Variants in SORCS1 observed in about 807,000 individuals in gnomAD.
SORCS1 encodes sortilin related VPS10 domain containing receptor 1, also known as VPS10 domain-containing receptor SorCS1.
A neutral mutation model predicts 146.1 loss-of-function variants in SORCS1; 60 were observed. The observed-to-expected ratio is 0.41, with a 90% confidence interval of 0.33 to 0.51. The LOEUF is 0.51. Ranked by LOEUF, SORCS1 falls within the 20% of genes least tolerant of loss-of-function variation. The pLI, the probability that SORCS1 is intolerant of heterozygous loss-of-function variation, is 0.21. For missense variants in SORCS1, 1,352 were observed against 1,487.6 expected, an observed-to-expected ratio of 0.91 and a Z score of 1.50; for synonymous variants, 637 against 584.0, an observed-to-expected ratio of 1.09 and a Z score of -1.31.
At chr10:106,652,022 C>T (rs1849901739) in intron 18 of SORCS1, among the ~76,000 whole-genome samples, 1 of 152,116 alleles carries the variant, frequency 6.6e-6, no homozygotes. Flanking sequence ...ATTAGCATCT[C>T]TTAGGTTAGT....
At chr10:106,735,936 C>T (rs2136059638) in intron 5 of SORCS1, among the ~76,000 whole-genome samples, 1 of 152,256 alleles carries the variant, frequency 6.6e-6, no homozygotes, top group East Asian at 1.9e-4. Flanking sequence ...CAAGACAAAG[C>T]CCATTGCAGC....
At chr10:107,027,235 G>A (rs1237894332) in intron 1 of SORCS1, among the ~76,000 whole-genome samples, 1 of 151,882 alleles carries the variant, frequency 6.6e-6, no homozygotes, top group East Asian at 1.9e-4. Context: ...AGGAAGATTT[G>A]GAAGCCCTCC....
intron 1 of SORCS1, among the ~76,000 whole-genome samples, chr10:107,016,781 A>G (rs868065398): frequency 3.4e-4 from 52 of 152,364 alleles, no homozygotes; most frequent in Middle Eastern, 3.4e-3. Context: ...CCATATAAGT[A>G]ATAGATGACT....
chr10:106,802,649 C>CCA (rs1289526061), intron 3 of SORCS1, among the ~76,000 whole-genome samples: 2 of 152,176 alleles, frequency 1.3e-5, no homozygotes, highest in Admixed American at 1.3e-4. Context: ...CAGGCATGCC[C>CCA]CACCATGCCC....
chr10:106,637,606 A>G (rs1258987345), intron 18 of SORCS1, among the ~76,000 whole-genome samples: 1 of 152,204 alleles, frequency 6.6e-6, no homozygotes, highest in African/African-American at 2.4e-5. Flanking sequence ...GATAGTGCAG[A>G]AGGTTTTACA....
intron 1 of SORCS1, among the ~76,000 whole-genome samples, chr10:107,011,977 A>G (rs982968836): frequency 6.6e-6 from 1 of 152,246 alleles, no homozygotes; most frequent in African/African-American, 2.4e-5. Flanking sequence ...AGAAAAGCCC[A>G]CAAGTATGTT....
At chr10:106,880,180 G>A (rs971403704) in intron 2 of SORCS1, among the ~76,000 whole-genome samples, 2 of 152,158 alleles carry the variant, frequency 1.3e-5, no homozygotes, top group African/African-American at 4.8e-5. Context: ...AGTTCCAAAT[G>A]AAGTCTTTAG....
chr10:107,038,464 A>T (rs146631457), intron 1 of SORCS1, among the ~76,000 whole-genome samples: 2,219 of 151,990 alleles, frequency 0.015, 30 homozygotes, highest in Non-Finnish European at 0.017. Flanking sequence ...TGGGTGCAGC[A>T]CACCAACATG....
chr10:106,599,858 G>A (rs964285900), intron 23 of SORCS1, among the ~76,000 whole-genome samples: 4 of 151,272 alleles, frequency 2.6e-5, no homozygotes, highest in East Asian at 1.9e-4. Flanking sequence ...TGCAACCTCC[G>A]CCTCCCTGAT....
chr10:107,087,265 G>C (rs1963832514), intron 1 of SORCS1, among the ~76,000 whole-genome samples: 1 of 152,110 alleles, frequency 6.6e-6, no homozygotes, highest in South Asian at 2.1e-4. Context: ...CCTTATCAGA[G>C]GGGTCAAACA....
At chr10:107,076,918 T>C (rs920555838) in intron 1 of SORCS1, among the ~76,000 whole-genome samples, 12 of 152,186 alleles carry the variant, frequency 7.9e-5, no homozygotes, top group African/African-American at 2.9e-4. Context: ...ATTCAATATA[T>C]TTAACTCCTT....
chr10:106,996,909 A>G (rs1351838317), intron 1 of SORCS1, among the ~76,000 whole-genome samples: 3 of 152,212 alleles, frequency 2.0e-5, no homozygotes, highest in Admixed American at 1.3e-4. Flanking sequence ...ATGAAAGGAA[A>G]TATGTCTAAA....
chr10:106,723,552 T>C (rs2135956461), intron 6 of SORCS1, among the ~76,000 whole-genome samples: 1 of 152,332 alleles, frequency 6.6e-6, no homozygotes, highest in South Asian at 2.1e-4. Context: ...CCTCCCGTGA[T>C]TGATTGTAGT....
At chr10:106,924,758 G>C (rs1272821502) in intron 2 of SORCS1, among the ~76,000 whole-genome samples, 2 of 91,822 alleles carry the variant, frequency 2.2e-5, no homozygotes, top group Non-Finnish European at 4.4e-5. Flanking sequence ...ACATTTAACT[G>C]CATGGATTTT....
intron 1 of SORCS1, among the ~76,000 whole-genome samples, chr10:107,040,021 C>T (rs142722308): frequency 2.4e-4 from 36 of 152,288 alleles, no homozygotes; most frequent in African/African-American, 7.5e-4. Flanking sequence ...GATCACAACA[C>T]TGCAGTCCAG....
intron 5 of SORCS1, among the ~76,000 whole-genome samples, chr10:106,758,011 C>T (rs775587737): frequency 5.9e-5 from 9 of 152,118 alleles, no homozygotes; most frequent in South Asian, 4.1e-4. Context: ...ACTACTAAGA[C>T]GTGAATGGGC....
chr10:107,026,331 G>C (rs1958402080), intron 1 of SORCS1, among the ~76,000 whole-genome samples: 1 of 152,114 alleles, frequency 6.6e-6, no homozygotes, highest in South Asian at 2.1e-4. Flanking sequence ...GAAAGTTTTT[G>C]GGTTTTGGCC....
intron 5 of SORCS1, among the ~76,000 whole-genome samples, chr10:106,731,170 G>A (rs1055837366): frequency 4.6e-5 from 7 of 151,674 alleles, no homozygotes; most frequent in Admixed American, 2.0e-4. Flanking sequence ...TTAGCCGGGC[G>A]TGGTGGTGGG....
chr10:107,168,866 A>G (rs1970104504), upstream of SORCS1, among the ~76,000 whole-genome samples: 2 of 152,138 alleles, frequency 1.3e-5, no homozygotes, highest in South Asian at 2.1e-4. Flanking sequence ...CTAATAACAG[A>G]TAACACTTAT....
Sources: allele counts gnomAD v4.1 joint callset (sites outside exome capture counted in the v4.1 genomes callset), GRCh38; gene constraint gnomAD v4.1.1; transcripts MANE v1.5; gene names NCBI Gene and HGNC (gene_info 2026-07-23, HGNC 2026-07-21).